The following MICALL2 variants were observed in gnomAD, a reference collection of about 807,000 sequenced individuals.
The protein encoded by MICALL2 is MICAL-like protein 2.
Under a neutral mutation model 91.1 loss-of-function variants are expected in MICALL2, and 111 were observed. The observed-to-expected ratio is 1.22, with a 90% CI of 1.04 to 1.43. MICALL2 has a LOEUF of 1.43. Among genes scored for constraint, MICALL2 ranks in the 40% most tolerant of loss-of-function variants. MICALL2 has a pLI of 0.00. For missense variants in MICALL2, 1,556 were observed against 1,236.0 expected (o/e 1.26, Z -3.88); for synonymous variants, 694 against 525.3 (o/e 1.32, Z -4.39).
At chr7:1,458,570 C>A (rs1781100784) in intron 1 of MICALL2, among the ~76,000 whole-genome samples, 1 of 152,250 alleles carries the variant, frequency 6.6e-6, no homozygotes, top group African/African-American at 2.4e-5. Context: ...CTACACACGC[C>A]AAGACCCTCC....
At chr7:1,438,434 ACCT>A (rs1395617065) in intron 10 of MICALL2, 81 bp from the exon 11 acceptor site, 26 of 1,533,852 alleles carry the variant, frequency 1.7e-5, no homozygotes, top group Middle Eastern at 2.3e-4. Flanking sequence ...AAGGAGCCTG[ACCT>A]CAGCACAGCA....
At chr7:1,441,618 G>T (rs547419216) in intron 7 of MICALL2, 1 of 158,728 alleles carries the variant, frequency 6.3e-6, no homozygotes, top group African/African-American at 2.4e-5. Context: ...ACCACCGGGG[G>T]GGACGGAGCA....
At chr7:1,444,380 G>A (rs535974928) in intron 6 of MICALL2, among the ~76,000 whole-genome samples, 7 of 152,284 alleles carry the variant, frequency 4.6e-5, no homozygotes, top group Non-Finnish European at 8.8e-5. Flanking sequence ...AGGGGGCCCC[G>A]GAGCGGCAGC....
chr7:1,440,725 C>T (rs779301087), intron 7 of MICALL2, 41 bp from the exon 8 acceptor site: 2 of 1,545,756 alleles, frequency 1.3e-6, no homozygotes, highest in South Asian at 1.1e-5. Flanking sequence ...GGAAGGAGTG[C>T]TGGGAATGGG....
intron 6 of MICALL2, among the ~76,000 whole-genome samples, chr7:1,444,089 C>CCA (rs1780441466): frequency 2.1e-5 from 1 of 48,672 alleles, no homozygotes; most frequent in African/African-American, 9.3e-5. Context: ...CGCGTCCACT[C>CCA]AGACCCGCCA....
At position 1,451,479 on chromosome 7, in the gene MICALL2, T is replaced by A. The variant is rs1453165493; in HGVS notation, c.144-1191A>T. On this transcript the variant is annotated intron_variant, in intron 1 of 16. Coordinates refer to ENST00000297508, the MANE Select transcript of MICALL2 (RefSeq NM_182924.4). This position sits in a 1 kb window ranked among gnomAD's most constrained non-coding sequence, Gnocchi z 4.5. ...CCCAGGAATTCGAGATCAGCCTGGG[T>A]AACACACTGAGACCCCGTCTCAGAA... Among the ~76,000 whole-genome samples, 1 of 151,946 alleles carries A rather than the reference T, an allele frequency of 6.6e-6. No homozygotes were observed. Among genetic ancestry groups the A allele is most frequent in the East Asian group, 1.9e-4 (1 of 5,168 alleles).
At chr7:1,438,701 G>C (rs942087609) in intron 10 of MICALL2, 139 bp downstream of exon 10, 25 of 1,484,210 alleles carry the variant, frequency 1.7e-5, no homozygotes, top group Admixed American at 1.6e-4. Flanking sequence ...TGGGGCACGG[G>C]GCTGGGTCCT....
In MICALL2 at chr7:1,459,179, C is replaced by A; in HGVS notation, c.143+5G>T. The stretch of plus-strand genomic sequence containing the variant: ...AAGAATCAAAGGGCGCCAGGCAGGA[C>A]TTACATGAGGTCGGGCCGGTGGCGG... On this transcript the variant is annotated splice_donor_5th_base_variant and intron_variant, in intron 1 of 16. Coordinates refer to ENST00000297508, the MANE Select transcript of MICALL2 (RefSeq NM_182924.4). 1 of 1,608,266 alleles carries A rather than the reference C, an allele frequency of 6.2e-7. No homozygotes were observed.
At chr7:1,444,564 C>G in intron 6 of MICALL2, 88 bp downstream of exon 6, 1 of 1,300,152 alleles carries the variant, frequency 7.7e-7, no homozygotes, top group Non-Finnish European at 1.0e-6. Flanking sequence ...CAGGGAGGTG[C>G]AGCGCCCCCA....
At position 1,451,594 on chromosome 7, in the gene MICALL2, G is replaced by A. The variant is rs73265863; in HGVS notation, c.144-1306C>T. 0.017 allele frequency among the ~76,000 whole-genome samples: 2,538 copies of A among 152,294 alleles called. 65 individuals carry two copies. Among genetic ancestry groups the A allele is most frequent in the African/African-American group, 0.058 (2,408 of 41,552 alleles). On this transcript the variant is annotated intron_variant, in intron 1 of 16. Coordinates refer to ENST00000297508, the MANE Select transcript of MICALL2 (RefSeq NM_182924.4). The surrounding 1 kb of genome is among the most constrained non-coding windows in gnomAD (Gnocchi z 4.5). ...GCTGCTGCCATGTCAGCGTGAACTG[G>A]ACTGTTCTAGAAGCTTCCTGGCCCC...
intron 1 of MICALL2, among the ~76,000 whole-genome samples, chr7:1,453,894 C>T (rs1780922780): frequency 6.6e-6 from 1 of 152,186 alleles, no homozygotes; most frequent in Admixed American, 6.5e-5. Flanking sequence ...GTAACTTATT[C>T]TTTCAACACT....
chr7:1,455,031 C>A (rs1195581663), intron 1 of MICALL2, among the ~76,000 whole-genome samples: 1 of 152,198 alleles, frequency 6.6e-6, no homozygotes, highest in Non-Finnish European at 1.5e-5. Flanking sequence ...GGCCACAAAT[C>A]CGACAAATGC....
chr7:1,446,919 AC>A, intron 4 of MICALL2, 91 bp from the exon 5 acceptor site: 6 of 907,192 alleles, frequency 6.6e-6, no homozygotes, highest in Non-Finnish European at 9.9e-6. Context: ...AGCCCATCTT[AC>A]AGATGGAGAA....
chr7:1,441,114 A>C, intron 7 of MICALL2: 2 of 188,990 alleles, frequency 1.1e-5, no homozygotes, highest in Admixed American at 5.4e-5. Context: ...GATCTGGAAA[A>C]ACCCTTTGCA....
At chr7:1,446,639 A>T in intron 5 of MICALL2, 74 bp downstream of exon 5, 1 of 1,042,250 alleles carries the variant, frequency 9.6e-7, no homozygotes, top group Non-Finnish European at 1.4e-6. Context: ...GCCGGGTGGG[A>T]GGCGATGGGA....
intron 4 of MICALL2, among the ~76,000 whole-genome samples, chr7:1,447,300 C>A (rs1780643113): frequency 6.6e-6 from 1 of 152,166 alleles, no homozygotes; most frequent in South Asian, 2.1e-4. Flanking sequence ...CCCTTCTCTC[C>A]CCGGGAGAGA....
At chr7:1,447,909 G>T in intron 3 of MICALL2, 144 bp from the exon 4 acceptor site, 1 of 578,232 alleles carries the variant, frequency 1.7e-6, no homozygotes, top group Non-Finnish European at 2.8e-6. Flanking sequence ...TAACCCTGAG[G>T]GCACTTTTTC....
chr7:1,441,876 T>G (rs368154121), intron 7 of MICALL2: 4 of 395,960 alleles, frequency 1.0e-5, no homozygotes, highest in African/African-American at 8.4e-5. Flanking sequence ...AGGCCACTGC[T>G]AGCCACAGGA....
At position 1,439,672 on chromosome 7, in the gene MICALL2, CAG is replaced by C. The variant is rs202162579; in HGVS notation, c.1966+251_1966+252del. The C allele has an allele frequency of 3.1e-3, 1,268 of 404,972 alleles. 2 individuals carry two copies. The highest frequency in any genetic ancestry group is 4.3e-3 in the Non-Finnish European group (988 of 230,644). 25.1% of individuals were successfully genotyped at this position (404,972 alleles called of 1,614,324 possible). ...TGCACATGCATCACACACATGAACACAGATGTACACATGCGCACACATGCATC... is the reference window on the plus strand; with the variant it reads ...TGCACATGCATCACACACATGAACACATGTACACATGCGCACACATGCATC... On this transcript the variant is annotated intron_variant, in intron 9 of 16. Transcript: ENST00000297508.
Sources: allele counts gnomAD v4.1 joint callset (sites outside exome capture counted in the v4.1 genomes callset), GRCh38; gene constraint gnomAD v4.1.1; non-coding constraint Gnocchi (gnomAD v3.1); transcripts MANE v1.5; gene names NCBI Gene and HGNC (gene_info 2026-07-23, HGNC 2026-07-21).